The following MYO3B variants were observed in gnomAD, a reference collection of about 807,000 sequenced individuals.
MYO3B encodes the protein myosin IIIB, also known as myosin-IIIb.
Under a neutral mutation model 174.6 loss-of-function variants are expected in MYO3B, and 156 were observed. The ratio of observed to expected loss-of-function variants is 0.89; its 90% CI spans 0.78 to 1.02. MYO3B has a LOEUF of 1.02. Among genes scored for constraint, MYO3B ranks in the 50% least tolerant of loss-of-function variants. The pLI is 0.00. For synonymous variants in MYO3B, 563 were observed against 569.1 expected (o/e 0.99, Z 0.15); for missense variants, 1,632 against 1,639.4 (o/e 1.00, Z 0.08).
intron 22 of MYO3B, 116 bp from the exon 23 acceptor site, chr2:170,443,851 C>G: frequency 1.6e-6 from 1 of 632,510 alleles, no homozygotes; most frequent in Non-Finnish European, 2.4e-6. Context: ...TTTAAAAATT[C>G]AGAGCAGATT....
rs531410189 is a variant in MYO3B, at chr2:170,381,870, G to A, written c.972-146G>A. 2,596 of 593,948 alleles carry A rather than the reference G, an allele frequency of 4.4e-3. 12 individuals are homozygous for A. Among genetic ancestry groups the A allele is most frequent in the Middle Eastern group, 0.017 (60 of 3,502 alleles). The allele number at this position is 593,948 out of a possible 1,614,324, so 36.8% of individuals were successfully genotyped here. A position where few individuals can be genotyped will look rare whatever the true frequency, so the allele number is the denominator to read the frequency against. Reference sequence around the variant, plus strand: ...AGTTCTACAGTGGCAGGAAAAGCCTGGGGACCTGGACTGGACTTCCTGTCC... The same window carrying A: ...AGTTCTACAGTGGCAGGAAAAGCCTAGGGACCTGGACTGGACTTCCTGTCC... On this transcript the variant is annotated intron_variant, in intron 9 of 34. Coordinates refer to ENST00000408978, the MANE Select transcript of MYO3B (RefSeq NM_138995.5).
intron 30 of MYO3B, among the ~76,000 whole-genome samples, chr2:170,526,671 CT>C (rs1334069065): frequency 6.6e-6 from 1 of 152,152 alleles, no homozygotes; most frequent in Non-Finnish European, 1.5e-5. Flanking sequence ...CTTAGACTTT[CT>C]AGATTTTTAA....
chr2:170,406,076 T>C (rs1484983569), intron 21 of MYO3B, among the ~76,000 whole-genome samples: 1 of 152,172 alleles, frequency 6.6e-6, no homozygotes, highest in Non-Finnish European at 1.5e-5. Flanking sequence ...AAAAAAAAAT[T>C]CACATTATTA....
chr2:170,196,236 G>T (rs1481276664), intron 1 of MYO3B, among the ~76,000 whole-genome samples: 1 of 152,162 alleles, frequency 6.6e-6, no homozygotes, highest in Non-Finnish European at 1.5e-5. Flanking sequence ...GCCAGATGTG[G>T]TGGCTCATGT....
At chr2:170,617,178 T>C (rs1177351171) in intron 32 of MYO3B, among the ~76,000 whole-genome samples, 1 of 152,172 alleles carries the variant, frequency 6.6e-6, no homozygotes, top group African/African-American at 2.4e-5. Flanking sequence ...GTAACAGCAA[T>C]CAAGCCCATT....
chr2:170,510,053 A>C (rs773542095), intron 28 of MYO3B, among the ~76,000 whole-genome samples: 54 of 152,206 alleles, frequency 3.5e-4, no homozygotes, highest in Non-Finnish European at 2.9e-4. Context: ...GCTGGTAGCC[A>C]TTCTCGTCAA....
chr2:170,499,913 T>TC (rs1559060419), intron 27 of MYO3B, 105 bp downstream of exon 27: 35 of 886,182 alleles, frequency 3.9e-5, no homozygotes, highest in East Asian at 3.1e-4. Context: ...CTCCCTCCCT[T>TC]CCTTCTCCCC....
At chr2:170,262,370 G>A (rs1032473188) in intron 7 of MYO3B, among the ~76,000 whole-genome samples, 1 of 152,208 alleles carries the variant, frequency 6.6e-6, no homozygotes, top group African/African-American at 2.4e-5. Context: ...GAGCCATTGG[G>A]TGGGACTCTG....
At chr2:170,418,882 C>G (rs2094597972) in intron 22 of MYO3B, among the ~76,000 whole-genome samples, 1 of 151,974 alleles carries the variant, frequency 6.6e-6, no homozygotes, top group South Asian at 2.1e-4. Context: ...AATATATAAC[C>G]TTTCCCTTTG....
At chr2:170,573,731 A>AT (rs1440153187) in intron 32 of MYO3B, among the ~76,000 whole-genome samples, 2 of 152,172 alleles carry the variant, frequency 1.3e-5, no homozygotes, top group Non-Finnish European at 2.9e-5. Context: ...TATATATTTG[A>AT]TTTTTTTAAG....
intron 8 of MYO3B, among the ~76,000 whole-genome samples, chr2:170,339,485 C>T (rs1282979691): frequency 2.6e-5 from 4 of 152,134 alleles, no homozygotes; most frequent in Non-Finnish European, 5.9e-5. Flanking sequence ...GGTCTGGCTG[C>T]AGCCTAGTGA....
At chr2:170,439,990 T>C (rs989307032) in intron 22 of MYO3B, among the ~76,000 whole-genome samples, 12 of 152,240 alleles carry the variant, frequency 7.9e-5, no homozygotes. Flanking sequence ...ATAGTTTCAG[T>C]TCTTGCATTT....
intron 7 of MYO3B, among the ~76,000 whole-genome samples, chr2:170,260,120 G>C (rs1280269697): frequency 1.3e-5 from 2 of 152,158 alleles, no homozygotes; most frequent in Non-Finnish European, 2.9e-5. Flanking sequence ...CTATTGATGG[G>C]AATGTAAATT....
At chr2:170,241,707 G>A (rs1274561776) in intron 7 of MYO3B, among the ~76,000 whole-genome samples, 1 of 151,960 alleles carries the variant, frequency 6.6e-6, no homozygotes, top group African/African-American at 2.4e-5. Flanking sequence ...AGATGGGCAA[G>A]TCACTGCTTG....
intron 7 of MYO3B, among the ~76,000 whole-genome samples, chr2:170,273,602 T>C (rs147801730): frequency 1.5e-3 from 231 of 152,270 alleles, no homozygotes; most frequent in Non-Finnish European, 2.6e-3. Flanking sequence ...CTGCCTGGGA[T>C]GCTCATTTCT....
intron 25 of MYO3B, among the ~76,000 whole-genome samples, chr2:170,498,311 T>C (rs1344257757): frequency 2.0e-5 from 3 of 152,210 alleles, no homozygotes; most frequent in African/African-American, 7.2e-5. Flanking sequence ...CTAAAAAGAT[T>C]ATTTTGATTT....
intron 22 of MYO3B, among the ~76,000 whole-genome samples, chr2:170,429,294 G>A (rs2094689685): frequency 6.6e-6 from 1 of 152,204 alleles, no homozygotes; most frequent in South Asian, 2.1e-4. Context: ...TTAAGACTTT[G>A]GCCATATCAG....
At chr2:170,622,584 T>A (rs1435869408) in intron 32 of MYO3B, among the ~76,000 whole-genome samples, 3 of 140,162 alleles carry the variant, frequency 2.1e-5, no homozygotes, top group Non-Finnish European at 4.4e-5. Context: ...TTTTTTTTTA[T>A]TATTATACTT....
rs115611222 is a variant in MYO3B, at chr2:170,539,141, G to C, written c.3576-3765G>C. On this transcript the variant is annotated intron_variant, in intron 30 of 34. Coordinates refer to ENST00000408978, the MANE Select transcript of MYO3B (RefSeq NM_138995.5). ...TTGTTATTTCATCTACATTTCTTTT[G>C]ATACAGAATAGTCACTTTTTTCAGA... 1.0e-3 allele frequency among the ~76,000 whole-genome samples: 154 copies of C among 152,188 alleles called. 1 individual carries two copies. The highest frequency in any genetic ancestry group is 3.6e-3 in the African/African-American group (148 of 41,522).
Sources: allele counts gnomAD v4.1 joint callset (sites outside exome capture counted in the v4.1 genomes callset), GRCh38; gene constraint gnomAD v4.1.1; transcripts MANE v1.5; gene names NCBI Gene and HGNC (gene_info 2026-07-23, HGNC 2026-07-21).